Variants in CALML4 observed in about 807,000 individuals in gnomAD.
CALML4 encodes calmodulin like 4, also known as calmodulin-like protein 4.
In CALML4, 16 loss-of-function variants were observed where a neutral mutation model predicts 17.9. The observed-to-expected ratio is 0.89, with a 90% confidence interval of 0.61 to 1.36. The LOEUF (loss-of-function observed/expected upper bound fraction) is 1.36. Ranked by LOEUF, CALML4 falls within the 40% of genes most tolerant of loss-of-function variation. The pLI is 0.00. For synonymous variants in CALML4, 86 were observed against 71.5 expected (o/e 1.20, Z -1.02); for missense variants, 203 against 194.8 (o/e 1.04, Z -0.25).
chr15:68,197,596 G>GA lies in CALML4; in HGVS notation c.207dup (p.Leu70SerfsTer55), dbSNP rs775548872. On this transcript the variant is annotated frameshift_variant, in exon 4 of 5. Transcript: ENST00000467889. LOFTEE classifies it high-confidence loss of function. This position sits in a 1 kb window ranked among gnomAD's most constrained non-coding sequence, Gnocchi z 4.1. ...TTTATTTGCATGTGCATAATGGTCA[G>GA]AAAAGTGGAGAAATCCAGCTCTCCA... 8.1e-6 allele frequency: 13 copies of GA among 1,613,940 alleles called. No individual in the cohort carries two copies. The highest frequency in any genetic ancestry group is 1.6e-4 in the Middle Eastern group (1 of 6,084).
chr15:68,198,524 C>T (rs1256065991), intron 3 of CALML4: 1 of 152,280 alleles, frequency 6.6e-6, no homozygotes, highest in East Asian at 1.9e-4. Flanking sequence ...CCAATGCAAA[C>T]AGCAACCCCA....
rs201056051 is a variant in CALML4 at position 68,197,485 on chromosome 15, G to A, written c.319C>T (p.Arg107Trp). 3.7e-5 allele frequency: 59 copies of A among 1,614,112 alleles called. No individual in the cohort carries two copies. The Middle Eastern group carries it at 4.9e-4, about 14-fold the overall frequency. The change falls in exon 4 of 5, where the codon CGG becomes TGG. Residue 107 changes from arginine (R) to tryptophan (W), a missense_variant. By Grantham distance (101) the Arg-to-Trp change is moderately radical (BLOSUM62 -3). Transcript: ENST00000467889. This position sits in a 1 kb window ranked among gnomAD's most constrained non-coding sequence, Gnocchi z 4.1. ...KKGYVMASDL[R>W]SKLTSLGEKL... ...TCCCCCAGACTCGTGAGTTTTGACC[G>A]CAGGTCGGACGCCATGACGTAACCT...
rs755509673 is a variant in CALML4 at position 68,199,552 on chromosome 15, G to T, written c.164C>A (p.Thr55Asn). Residue 55 changes from threonine (T) to asparagine (N), a missense_variant, in exon 3 of 5, where the codon ACC (threonine) becomes AAC (asparagine). Coordinates refer to ENST00000467889, the MANE Select transcript of CALML4 (RefSeq NM_033429.3). ...TPGEVQRHLQTHGIDGNGELD... is the reference protein window; with the variant it reads ...TPGEVQRHLQNHGIDGNGELD... ...CCACCACCACTCACCTATCCCGTGG[G>T]TCTGCAGGTGCCGCTGCACCTCCCC... 5.0e-6 allele frequency: 8 copies of T among 1,613,424 alleles called. No individual in the cohort carries two copies. The South Asian group carries it at 7.7e-5, about 16-fold the overall frequency.
chr15:68,201,856 C>G (rs756716196), intron 2 of CALML4, among the ~76,000 whole-genome samples: 4 of 152,216 alleles, frequency 2.6e-5, no homozygotes, highest in Admixed American at 6.5e-5. Flanking sequence ...TGGCCCCTTC[C>G]TCCACCATCT....
intron 4 of CALML4, among the ~76,000 whole-genome samples, chr15:68,196,106 T>C (rs2093143289): frequency 6.6e-6 from 1 of 152,170 alleles, no homozygotes; most frequent in Admixed American, 6.5e-5. Context: ...TGGAGTGTAG[T>C]GGCGCAAGCT....
At chr15:68,205,456 AT>A, upstream of CALML4, 4 of 1,571,430 alleles carry the variant, frequency 2.5e-6, no homozygotes, top group Non-Finnish European at 3.5e-6. This position sits in a 1 kb window ranked among gnomAD's most constrained non-coding sequence, Gnocchi z 4.8. Flanking sequence ...GGCAGGTTGG[AT>A]TTTTGAGGAA....
At chr15:68,202,643 C>CCTTTT (rs1555437418) in intron 2 of CALML4, among the ~76,000 whole-genome samples, 2 of 127,796 alleles carry the variant, frequency 1.6e-5, no homozygotes. Flanking sequence ...GTTTTGCCAA[C>CCTTTT]TTTTTTTTTT....
In CALML4 at chr15:68,193,572, C is replaced by G. The variant is rs1159132845; in HGVS notation, c.*443G>C. 1 of 155,472 alleles carries G rather than the reference C, an allele frequency of 6.4e-6. No homozygotes were observed. The highest frequency in any genetic ancestry group is 1.4e-5 in the Non-Finnish European group (1 of 70,192). The allele number at this position is 155,472 out of a possible 1,614,324, so 9.6% of individuals were successfully genotyped here. On this transcript the variant is annotated 3_prime_UTR_variant, in exon 5 of 5. Transcript: ENST00000467889. ...AAATATGGAAGATGGTTCTAGCCCC[C>G]AAATACAGAATAAGTCTCTTGGTAG...
chr15:68,201,708 C>G (rs1339671201), intron 2 of CALML4, among the ~76,000 whole-genome samples: 1 of 152,252 alleles, frequency 6.6e-6, no homozygotes, highest in Non-Finnish European at 1.5e-5. Context: ...GGCCCACCTC[C>G]TCACAAACCT....
upstream of CALML4, chr15:68,205,368 G>C (rs199848261): frequency 6.2e-7 from 1 of 1,613,740 alleles, no homozygotes; most frequent in African/African-American, 1.3e-5. The surrounding 1 kb of genome is among the most constrained non-coding windows in gnomAD (Gnocchi z 4.8). Flanking sequence ...ATAAATGCTC[G>C]GCTGCCATGG....
rs773828052 is a variant in CALML4 at position 68,193,977 on chromosome 15, G to A, written c.*38C>T. 4 of 1,487,350 alleles carry A rather than the reference G, an allele frequency of 2.7e-6. No homozygotes were observed. In the African/African-American group the frequency reaches 5.6e-5, roughly 21 times the overall value. 92.1% of individuals were successfully genotyped at this position (1,487,350 alleles called of 1,614,324 possible). Reference sequence around the variant, plus strand: ...TTTTAAAAAAAATTAATTGCTCCAAGTTTTCAGGCCCAGGGGAGGCTCTCC... The same window carrying A: ...TTTTAAAAAAAATTAATTGCTCCAAATTTTCAGGCCCAGGGGAGGCTCTCC... On this transcript the variant is annotated 3_prime_UTR_variant, in exon 5 of 5. Transcript: ENST00000467889.
intron 4 of CALML4, among the ~76,000 whole-genome samples, chr15:68,195,710 C>T (rs1213183465): frequency 6.6e-6 from 1 of 152,208 alleles, no homozygotes; most frequent in African/African-American, 2.4e-5. Flanking sequence ...AAAAAGGATT[C>T]CTGCTGCTGG....
chr15:68,197,709 A>C lies in CALML4; in HGVS notation c.176-81T>G. 7.5e-6 allele frequency: 10 copies of C among 1,326,888 alleles called. No individual in the cohort carries two copies. Among genetic ancestry groups the C allele is most frequent in the Non-Finnish European group, 1.1e-6 (1 of 950,264 alleles). The allele number at this position is 1,326,888 out of a possible 1,614,324, so 82.2% of individuals were successfully genotyped here. A position where few individuals can be genotyped will look rare whatever the true frequency, so the allele number is the denominator to read the frequency against. On this transcript the variant is annotated intron_variant, in intron 3 of 4. Transcript: ENST00000467889. The surrounding 1 kb of genome is among the most constrained non-coding windows in gnomAD (Gnocchi z 4.1). The stretch of plus-strand genomic sequence containing the variant: ...CCAGCTGGCCTCCTGCTGGACCTGC[A>C]CAGCCGGTTCAAGGTCAACTGACCA...
chr15:68,199,045 C>T (rs1179115884), intron 3 of CALML4, among the ~76,000 whole-genome samples: 1 of 151,852 alleles, frequency 6.6e-6, no homozygotes, highest in Non-Finnish European at 1.5e-5. Context: ...ACCTGTAATC[C>T]CAGCTACTTG....
chr15:68,194,887 C>A (rs1298828015), intron 4 of CALML4, among the ~76,000 whole-genome samples: 1 of 151,558 alleles, frequency 6.6e-6, no homozygotes, highest in Non-Finnish European at 1.5e-5. Flanking sequence ...CTGCCCCCAC[C>A]CCAAGAGAGG....
chr15:68,202,403 C>T (rs530573959), intron 2 of CALML4, among the ~76,000 whole-genome samples: 3 of 152,266 alleles, frequency 2.0e-5, no homozygotes, highest in South Asian at 2.1e-4. Context: ...CCCAGGAGTT[C>T]GAGACCAGCC....
At chr15:68,201,404 GA>G (rs2093165199) in intron 2 of CALML4, among the ~76,000 whole-genome samples, 1 of 152,228 alleles carries the variant, frequency 6.6e-6, no homozygotes, top group African/African-American at 2.4e-5. Flanking sequence ...GGGGGACAGA[GA>G]GAGGGCTGCC....
intron 2 of CALML4, among the ~76,000 whole-genome samples, chr15:68,202,623 C>A (rs1228913712): frequency 6.6e-6 from 1 of 150,688 alleles, no homozygotes; most frequent in Non-Finnish European, 1.5e-5. Flanking sequence ...CACTTGATTA[C>A]CACAAATGAG....
At chr15:68,196,215 A>G (rs1012972185) in intron 4 of CALML4, among the ~76,000 whole-genome samples, 1 of 152,180 alleles carries the variant, frequency 6.6e-6, no homozygotes, top group African/African-American at 2.4e-5. Flanking sequence ...CGCCTGGCTA[A>G]TTTTTGTATG....
Sources: gnomAD v4.1 joint callset for allele counts (sites outside exome capture counted in the v4.1 genomes callset) on GRCh38, gnomAD v4.1.1 for gene constraint, Gnocchi (gnomAD v3.1) non-coding constraint, MANE v1.5 for transcripts, NCBI Gene and HGNC (gene_info 2026-07-23, HGNC 2026-07-21) for gene names.